CNTNAP5: variants seen among roughly 807,000 people sequenced by gnomAD.
The protein encoded by CNTNAP5 is contactin-associated protein-like 5.
In CNTNAP5, 72 loss-of-function variants were observed where a neutral mutation model predicts 150.2. That is an observed-to-expected ratio of 0.48 (90% CI 0.40 to 0.58). The LOEUF (loss-of-function observed/expected upper bound fraction) is 0.58. Ranked by LOEUF, CNTNAP5 falls within the 20% of genes least tolerant of loss-of-function variation. CNTNAP5 has a pLI of 0.00. For missense variants in CNTNAP5, 1,636 were observed against 1,626.2 expected (o/e 1.01, Z -0.10); for synonymous variants, 672 against 619.8 (o/e 1.08, Z -1.25).
At chr2:124,035,152 G>T (rs1205477046) in intron 1 of CNTNAP5, among the ~76,000 whole-genome samples, 1 of 151,898 alleles carries the variant, frequency 6.6e-6, no homozygotes, top group Non-Finnish European at 1.5e-5. Flanking sequence ...CATCCACATA[G>T]CTCCAGAGAA....
At chr2:124,536,310 C>T (rs1037143562) in intron 10 of CNTNAP5, among the ~76,000 whole-genome samples, 2 of 152,178 alleles carry the variant, frequency 1.3e-5, no homozygotes, top group African/African-American at 2.4e-5. Flanking sequence ...GTCTGCAAGG[C>T]CTACCAAGTG....
At chr2:124,146,241 G>A (rs931698768) in intron 1 of CNTNAP5, among the ~76,000 whole-genome samples, 1 of 152,088 alleles carries the variant, frequency 6.6e-6, no homozygotes, top group African/African-American at 2.4e-5. Context: ...ATGCCTAGAT[G>A]CCTAACTGTG....
intron 21 of CNTNAP5, among the ~76,000 whole-genome samples, chr2:124,886,713 C>T (rs1415030996): frequency 1.3e-5 from 2 of 152,012 alleles, no homozygotes; most frequent in Non-Finnish European, 2.9e-5. Flanking sequence ...TTAATAATCA[C>T]ATGTAAACAC....
intron 1 of CNTNAP5, among the ~76,000 whole-genome samples, chr2:124,166,937 C>A (rs1684820986): frequency 6.6e-6 from 1 of 152,138 alleles, no homozygotes; most frequent in African/African-American, 2.4e-5. Context: ...GGCCTCTGCC[C>A]ACAGAGTGAA....
chr2:124,315,231 G>T (rs1054671428), intron 3 of CNTNAP5, among the ~76,000 whole-genome samples: 1 of 152,164 alleles, frequency 6.6e-6, no homozygotes, highest in African/African-American at 2.4e-5. Context: ...AAAGTGCTGA[G>T]GTTACAGGGC....
intron 14 of CNTNAP5, among the ~76,000 whole-genome samples, chr2:124,760,996 T>TC: frequency 6.6e-6 from 1 of 152,212 alleles, no homozygotes; most frequent in Non-Finnish European, 1.5e-5. Flanking sequence ...TGTCGTCTGA[T>TC]CCCAGCGACA....
chr2:124,682,552 T>A (rs1279289822), intron 13 of CNTNAP5, among the ~76,000 whole-genome samples: 2 of 152,174 alleles, frequency 1.3e-5, no homozygotes, highest in Admixed American at 1.3e-4. Context: ...ACTGGACCAC[T>A]GGACTGGGAA....
At chr2:124,338,250 C>G (rs1330575564) in intron 3 of CNTNAP5, among the ~76,000 whole-genome samples, 1 of 152,110 alleles carries the variant, frequency 6.6e-6, no homozygotes, top group South Asian at 2.1e-4. Flanking sequence ...TGCTTATCAG[C>G]TTAAGGAGAT....
chr2:124,102,851 G>T (rs1033982009), intron 1 of CNTNAP5, among the ~76,000 whole-genome samples: 6 of 152,112 alleles, frequency 3.9e-5, no homozygotes, highest in African/African-American at 1.4e-4. Flanking sequence ...GACAGTGGTT[G>T]GTACATGCAA....
chr2:124,765,833 G>A (rs1170427787), intron 16 of CNTNAP5, among the ~76,000 whole-genome samples: 1 of 151,976 alleles, frequency 6.6e-6, no homozygotes, highest in Non-Finnish European at 1.5e-5. Context: ...CCAGGTGCCT[G>A]TAATCCCAGC....
At chr2:124,302,914 G>T (rs1048443809) in intron 3 of CNTNAP5, among the ~76,000 whole-genome samples, 1 of 152,192 alleles carries the variant, frequency 6.6e-6, no homozygotes, top group East Asian at 1.9e-4. Flanking sequence ...CCTGGATCTT[G>T]CATGTTTACT....
intron 10 of CNTNAP5, among the ~76,000 whole-genome samples, chr2:124,546,674 G>A (rs13387408): frequency 0.36 from 55,371 of 151,996 alleles, 10,137 homozygotes; most frequent in South Asian, 0.47. Context: ...GTCATAAGCA[G>A]ACATTAGCCT....
chr2:124,358,077 T>TGG lies in CNTNAP5; in HGVS notation c.382-59364_382-59363dup, dbSNP rs1052086364. On this transcript the variant is annotated intron_variant, in intron 3 of 23. Coordinates refer to ENST00000682447, the MANE Select transcript of CNTNAP5 (RefSeq NM_001367498.1). ...TTATTCTCTTTGAAGCAACTGTGAATGGGAGTTCACTCATGGTTTGGCTCT... is the reference window on the plus strand; with the variant it reads ...TTATTCTCTTTGAAGCAACTGTGAATGGGGGAGTTCACTCATGGTTTGGCTCT... Among the ~76,000 whole-genome samples the TGG allele has an allele frequency of 1.9e-4, 29 of 152,200 alleles. 1 individual carries two copies. The highest frequency in any genetic ancestry group is 1.5e-5 in the Non-Finnish European group (1 of 68,038).
At chr2:124,768,406 A>C (rs1351723041) in intron 16 of CNTNAP5, among the ~76,000 whole-genome samples, 2 of 151,560 alleles carry the variant, frequency 1.3e-5, no homozygotes, top group African/African-American at 4.9e-5. Flanking sequence ...CATACTGAGA[A>C]TATTACAAAA....
At chr2:124,360,036 A>T (rs1384385305) in intron 3 of CNTNAP5, among the ~76,000 whole-genome samples, 1 of 135,178 alleles carries the variant, frequency 7.4e-6, no homozygotes, top group Admixed American at 7.7e-5. Flanking sequence ...TTCTTGTTGA[A>T]TTGATCCCTT....
intron 1 of CNTNAP5, among the ~76,000 whole-genome samples, chr2:124,026,914 C>G (rs1680908672): frequency 6.6e-6 from 1 of 152,192 alleles, no homozygotes; most frequent in African/African-American, 2.4e-5. Flanking sequence ...AGTTATGTCT[C>G]AAGGGAAGAC....
chr2:124,475,962 C>T (rs374838976), intron 7 of CNTNAP5, among the ~76,000 whole-genome samples: 9 of 151,824 alleles, frequency 5.9e-5, no homozygotes, highest in Non-Finnish European at 1.0e-4. Context: ...TTTTCTCTAA[C>T]GTCCTGTGTT....
chr2:124,125,873 A>C (rs1301671548), intron 1 of CNTNAP5, among the ~76,000 whole-genome samples: 1 of 152,206 alleles, frequency 6.6e-6, no homozygotes, highest in Admixed American at 6.5e-5. Flanking sequence ...CGTGAGAAAA[A>C]AGACACAACA....
At chr2:124,179,457 G>T (rs552004798) in intron 1 of CNTNAP5, among the ~76,000 whole-genome samples, 1 of 152,268 alleles carries the variant, frequency 6.6e-6, no homozygotes, top group Admixed American at 6.5e-5. Flanking sequence ...ATCATGCCCG[G>T]CCTAACTTCA....
Sources: allele counts gnomAD v4.1 joint callset (sites outside exome capture counted in the v4.1 genomes callset), GRCh38; gene constraint gnomAD v4.1.1; transcripts MANE v1.5; gene names NCBI Gene and HGNC (gene_info 2026-07-23, HGNC 2026-07-21).